The following NEK11 variants were observed in gnomAD, a reference collection of about 807,000 sequenced individuals.
NEK11 encodes the protein serine/threonine-protein kinase Nek11.
A neutral mutation model predicts 80.7 loss-of-function variants in NEK11; 72 were observed. The ratio of observed to expected loss-of-function variants is 0.89; its 90% CI spans 0.74 to 1.08. The LOEUF is 1.08. NEK11 is among the 50% of genes least tolerant of loss of function. The probability of loss-of-function intolerance (pLI) is 0.00; values close to 1 mark genes in which losing one functional copy is unlikely to be tolerated. For synonymous variants in NEK11, 251 were observed against 260.7 expected (o/e 0.96, Z 0.36); for missense variants, 764 against 763.6 (o/e 1.00, Z -0.01).
chr3:131,103,573 C>A (rs982344062), intron 4 of NEK11, among the ~76,000 whole-genome samples: 1 of 152,174 alleles, frequency 6.6e-6, no homozygotes, highest in Non-Finnish European at 1.5e-5. Context: ...GGTGCAGTGG[C>A]AAGAGAGGTG....
At chr3:131,041,614 T>C (rs571742625) in intron 3 of NEK11, among the ~76,000 whole-genome samples, 1 of 152,266 alleles carries the variant, frequency 6.6e-6, no homozygotes, top group South Asian at 2.1e-4. Context: ...CATTTTTTAA[T>C]TGGACAGTTT....
intron 16 of NEK11, among the ~76,000 whole-genome samples, chr3:131,272,756 A>G (rs566155955): frequency 1.3e-5 from 2 of 152,228 alleles, no homozygotes; most frequent in Admixed American, 6.5e-5. Flanking sequence ...GATTACAGGC[A>G]TGAGCCACTG....
intron 4 of NEK11, among the ~76,000 whole-genome samples, chr3:131,096,422 A>G (rs1470866695): frequency 6.6e-6 from 1 of 151,920 alleles, no homozygotes; most frequent in East Asian, 1.9e-4. Flanking sequence ...TTATCCAATC[A>G]ATGATTGGTG....
chr3:131,258,719 T>A (rs142199937), intron 16 of NEK11, among the ~76,000 whole-genome samples: 147 of 152,334 alleles, frequency 9.6e-4, no homozygotes, highest in Non-Finnish European at 1.2e-3. Context: ...TTGTTTTTAA[T>A]CATCTATAAA....
intron 14 of NEK11, among the ~76,000 whole-genome samples, chr3:131,209,571 T>G (rs9867969): frequency 0.42 from 63,766 of 152,040 alleles, 15,723 homozygotes; most frequent in Middle Eastern, 0.66. Context: ...TACCAGCTCC[T>G]CTTTGTACCT....
intron 3 of NEK11, among the ~76,000 whole-genome samples, chr3:131,038,982 A>G (rs2066046283): frequency 6.6e-6 from 1 of 152,242 alleles, no homozygotes; most frequent in Non-Finnish European, 1.5e-5. Flanking sequence ...AGTAAATAAT[A>G]GTAATAATAA....
intron 14 of NEK11, among the ~76,000 whole-genome samples, chr3:131,173,414 A>G (rs1263111077): frequency 6.6e-6 from 1 of 152,086 alleles, no homozygotes; most frequent in East Asian, 1.9e-4. Flanking sequence ...CCAGGACAGG[A>G]TATTGAATGG....
At chr3:131,090,495 T>C (rs4682613) in intron 4 of NEK11, among the ~76,000 whole-genome samples, 65,667 of 152,076 alleles carry the variant, frequency 0.43, 16,783 homozygotes, top group Middle Eastern at 0.66. Flanking sequence ...TATTAAATAT[T>C]TCTCAAGGAC....
chr3:131,155,798 C>A (rs1198982063), intron 10 of NEK11, among the ~76,000 whole-genome samples: 1 of 152,152 alleles, frequency 6.6e-6, no homozygotes. Context: ...ATAGGCTGAT[C>A]TAGCACAAAT....
At chr3:131,165,578 C>A in intron 12 of NEK11, 59 bp downstream of exon 12, 5 of 1,018,438 alleles carry the variant, frequency 4.9e-6, no homozygotes, top group Admixed American at 3.9e-5. Flanking sequence ...AGATTCATGG[C>A]GATGATTGGG....
At chr3:131,333,159 T>C (rs2097123394) in intron 17 of NEK11, among the ~76,000 whole-genome samples, 1 of 151,888 alleles carries the variant, frequency 6.6e-6, no homozygotes, top group Non-Finnish European at 1.5e-5. Context: ...CCAAGACACA[T>C]AATTGTCAGA....
chr3:131,217,044 G>A (rs959458231), intron 14 of NEK11, among the ~76,000 whole-genome samples: 4 of 152,162 alleles, frequency 2.6e-5, no homozygotes, highest in Non-Finnish European at 5.9e-5. Flanking sequence ...TGACTTCTGA[G>A]CTCCAATGAG....
intron 3 of NEK11, among the ~76,000 whole-genome samples, chr3:131,076,548 C>T (rs997118707): frequency 3.9e-5 from 6 of 152,120 alleles, no homozygotes; most frequent in African/African-American, 1.4e-4. Flanking sequence ...CATAATCTCT[C>T]TTTGTAAAAC....
At chr3:131,048,872 G>C (rs1202716245) in intron 3 of NEK11, among the ~76,000 whole-genome samples, 1 of 152,146 alleles carries the variant, frequency 6.6e-6, no homozygotes, top group Non-Finnish European at 1.5e-5. Context: ...TCATTTACAT[G>C]TCACTTCAGC....
chr3:131,254,022 G>T (rs1267942178), intron 16 of NEK11, among the ~76,000 whole-genome samples: 1 of 152,112 alleles, frequency 6.6e-6, no homozygotes, highest in Non-Finnish European at 1.5e-5. Flanking sequence ...GAGCTGTCTG[G>T]CAAGGTAGCA....
intron 4 of NEK11, among the ~76,000 whole-genome samples, chr3:131,103,106 C>T (rs1360836716): frequency 6.6e-6 from 1 of 152,174 alleles, no homozygotes; most frequent in Non-Finnish European, 1.5e-5. Flanking sequence ...TGGGTTTCAA[C>T]TCTCTCCTGA....
At chr3:131,053,001 A>G (rs990353406) in intron 3 of NEK11, among the ~76,000 whole-genome samples, 1 of 151,730 alleles carries the variant, frequency 6.6e-6, no homozygotes, top group Non-Finnish European at 1.5e-5. Context: ...TGACTACTGA[A>G]CTCCTCTTTC....
At chr3:131,113,253 G>A (rs903599923) in intron 5 of NEK11, among the ~76,000 whole-genome samples, 4 of 152,118 alleles carry the variant, frequency 2.6e-5, no homozygotes, top group Middle Eastern at 3.4e-3. Context: ...TTATGAATAT[G>A]CTGGGTAGAA....
rs1009310858 is a variant in NEK11 at position 131,031,977 on chromosome 3, T to G, written c.170+2099T>G. ...GTAAATTAATCAGTTTTTTTTTTTT[T>G]TTGAGGCGGAGTCTCACTCTGTCTC... On this transcript the variant is annotated intron_variant, in intron 3 of 17. Coordinates refer to ENST00000383366, the MANE Select transcript of NEK11 (RefSeq NM_024800.5). 3.0e-3 allele frequency among the ~76,000 whole-genome samples: 455 copies of G among 152,048 alleles called. 1 individual carries two copies. Among genetic ancestry groups the G allele is most frequent in the Middle Eastern group, 6.8e-3 (2 of 294 alleles).
Sources: allele counts gnomAD v4.1 joint callset (sites outside exome capture counted in the v4.1 genomes callset), GRCh38; gene constraint gnomAD v4.1.1; transcripts MANE v1.5; gene names NCBI Gene and HGNC (gene_info 2026-07-23, HGNC 2026-07-21).